RTN1: variants seen among roughly 807,000 people sequenced by gnomAD.
RTN1 encodes reticulon-1.
Under a neutral mutation model 65.5 loss-of-function variants are expected in RTN1, and 25 were observed. The observed-to-expected ratio is 0.38, with a 90% confidence interval of 0.28 to 0.53. RTN1 has a LOEUF of 0.53. Ranked by LOEUF, RTN1 falls within the 20% of genes least tolerant of loss-of-function variation. The pLI, the probability that RTN1 is intolerant of heterozygous loss-of-function variation, is 0.79. For missense variants in RTN1, 983 were observed against 1,025.4 expected (o/e 0.96, Z 0.57); for synonymous variants, 471 against 447.6 (o/e 1.05, Z -0.66).
intron 3 of RTN1, among the ~76,000 whole-genome samples, chr14:59,705,637 G>T (rs770023205): frequency 6.6e-6 from 1 of 152,142 alleles, no homozygotes; most frequent in Non-Finnish European, 1.5e-5. Flanking sequence ...AACAGGCATA[G>T]AAAAATTAGA....
intron 3 of RTN1, among the ~76,000 whole-genome samples, chr14:59,634,568 T>C (rs912580725): frequency 1.3e-5 from 2 of 152,240 alleles, no homozygotes; most frequent in Admixed American, 1.3e-4. Flanking sequence ...TACCCTTATT[T>C]CTTGATTCAT....
chr14:59,672,609 T>C (rs946269285), intron 3 of RTN1, among the ~76,000 whole-genome samples: 3 of 148,276 alleles, frequency 2.0e-5, no homozygotes, highest in African/African-American at 7.4e-5. Flanking sequence ...GTTGAATGAA[T>C]GAATACAAGA....
chr14:59,608,091 G>T (rs561373340), intron 3 of RTN1, among the ~76,000 whole-genome samples: 1 of 152,038 alleles, frequency 6.6e-6, no homozygotes, highest in African/African-American at 2.4e-5. Context: ...ATGCAAAAGA[G>T]TAGTCATAGT....
At chr14:59,818,324 C>A (rs1280373503) in intron 1 of RTN1, among the ~76,000 whole-genome samples, 3 of 152,182 alleles carry the variant, frequency 2.0e-5, no homozygotes, top group Non-Finnish European at 4.4e-5. Context: ...CCCATCTCCA[C>A]TAGCACTTTG....
intron 3 of RTN1, among the ~76,000 whole-genome samples, chr14:59,612,944 G>A (rs558175564): frequency 5.9e-5 from 9 of 152,320 alleles, no homozygotes; most frequent in Non-Finnish European, 1.3e-4. Flanking sequence ...TCTTTTGACA[G>A]TGGTGGCCGG....
intron 3 of RTN1, among the ~76,000 whole-genome samples, chr14:59,623,478 T>C (rs1009268433): frequency 2.0e-5 from 3 of 152,184 alleles, no homozygotes; most frequent in African/African-American, 4.8e-5. Flanking sequence ...CTTCACAGGA[T>C]AACCGGGATC....
At chr14:59,831,359 A>G (rs549132494) in intron 1 of RTN1, among the ~76,000 whole-genome samples, 2 of 152,358 alleles carry the variant, frequency 1.3e-5, no homozygotes, top group South Asian at 2.1e-4. Context: ...CCCTCCCTCA[A>G]GTAAGAAAGG....
At chr14:59,663,425 A>G (rs933046152) in intron 3 of RTN1, among the ~76,000 whole-genome samples, 4 of 152,230 alleles carry the variant, frequency 2.6e-5, no homozygotes, top group Non-Finnish European at 4.4e-5. Context: ...GGCATGGGCA[A>G]AGACTTCATG....
At chr14:59,841,541 A>C (rs2139652414) in intron 1 of RTN1, among the ~76,000 whole-genome samples, 1 of 151,744 alleles carries the variant, frequency 6.6e-6, no homozygotes, top group East Asian at 2.0e-4. Context: ...ACTAAAGAAA[A>C]CACAAAAATA....
intron 3 of RTN1, among the ~76,000 whole-genome samples, chr14:59,621,095 T>C (rs1882241869): frequency 6.6e-6 from 1 of 152,180 alleles, no homozygotes; most frequent in African/African-American, 2.4e-5. Context: ...ACATTTTAAT[T>C]TTGCTTAGAG....
At position 59,607,532 on chromosome 14, in the gene RTN1, G is replaced by A. The variant is rs531677049; in HGVS notation, c.1766-40C>T. ...AAACACACCCAGCTGAGCTCCCGCA[G>A]TGCCGCCACATGAGCCGCTGTGGCT... is the stretch of plus-strand genomic sequence containing the variant. On this transcript the variant is annotated intron_variant, in intron 3 of 8. Transcript: ENST00000267484. 7 of 1,538,880 alleles carry A rather than the reference G, an allele frequency of 4.5e-6. No homozygotes were observed. In the South Asian group the frequency reaches 7.1e-5, roughly 16 times the overall value.
chr14:59,820,356 GTTTTTT>G (rs34274539), intron 1 of RTN1, among the ~76,000 whole-genome samples: 14,731 of 79,422 alleles, frequency 0.19, 776 homozygotes, highest in Middle Eastern at 0.37. Context: ...CTTATTGATA[GTTTTTT>G]TTTTTTTTTT....
chr14:59,827,065 TTTG>T (rs144561240), intron 1 of RTN1, among the ~76,000 whole-genome samples: 3,386 of 151,218 alleles, frequency 0.022, 81 homozygotes, highest in African/African-American at 0.061. Flanking sequence ...GTATATGTGT[TTTG>T]TTGTTGTTGT....
intron 1 of RTN1, among the ~76,000 whole-genome samples, chr14:59,843,974 T>C (rs1316922892): frequency 2.0e-5 from 3 of 152,184 alleles, no homozygotes; most frequent in Admixed American, 6.5e-5. Flanking sequence ...ATGATTTGTA[T>C]TTGTCCTTAA....
At chr14:59,605,667 T>A (rs1224987627) in intron 4 of RTN1, 161 bp from the exon 5 acceptor site, 3 of 633,788 alleles carry the variant, frequency 4.7e-6, no homozygotes, top group Non-Finnish European at 8.1e-6. Context: ...CAGGGCACCG[T>A]ACACACCTGC....
Position 59,854,700 on chromosome 14 carries a change from A to G in RTN1, c.241+15690T>C, listed in dbSNP as rs550038602. On this transcript the variant is annotated intron_variant, in intron 1 of 8. Transcript: ENST00000267484. ...ACAAGAAAAGCCTAAAATAGGCAAC[A>G]GAGTGAAATAATTAAGAGCATGAAC... 1.3e-4 allele frequency among the ~76,000 whole-genome samples: 20 copies of G among 152,062 alleles called. No individual in the cohort carries two copies. In the East Asian group the frequency reaches 1.5e-3, roughly 12 times the overall value.
chr14:59,669,275 A>G (rs1357096422), intron 3 of RTN1, among the ~76,000 whole-genome samples: 1 of 152,248 alleles, frequency 6.6e-6, no homozygotes, highest in Non-Finnish European at 1.5e-5. Context: ...CTATGCAGCC[A>G]TAAAAAAGGA....
chr14:59,756,369 T>G (rs1393982885), intron 1 of RTN1, among the ~76,000 whole-genome samples: 1 of 152,208 alleles, frequency 6.6e-6, no homozygotes, highest in Non-Finnish European at 1.5e-5. Flanking sequence ...TAGACATTCC[T>G]TTGCTGTTTT....
intron 8 of RTN1, among the ~76,000 whole-genome samples, chr14:59,597,845 C>G (rs1423021530): frequency 6.6e-6 from 1 of 152,070 alleles, no homozygotes; most frequent in African/African-American, 2.4e-5. Context: ...AGTGCAGAGG[C>G]ATCACAGAGA....
Sources: gnomAD v4.1 joint callset for allele counts (sites outside exome capture counted in the v4.1 genomes callset) on GRCh38, gnomAD v4.1.1 for gene constraint, MANE v1.5 for transcripts, NCBI Gene and HGNC (gene_info 2026-07-23, HGNC 2026-07-21) for gene names.